Variants in PEBP4 observed in about 807,000 individuals in gnomAD.
PEBP4 encodes the protein phosphatidylethanolamine binding protein 4, also known as phosphatidylethanolamine-binding protein 4.
Under a neutral mutation model 23.9 loss-of-function variants are expected in PEBP4, and 22 were observed. That is an observed-to-expected ratio of 0.92 (90% CI 0.66 to 1.31). The LOEUF is 1.31. Among genes scored for constraint, PEBP4 ranks in the 40% most tolerant of loss-of-function variants. The pLI, the probability that PEBP4 is intolerant of heterozygous loss-of-function variation, is 0.00. For missense variants in PEBP4, 324 were observed against 281.7 expected (o/e 1.15, Z -1.07); for synonymous variants, 112 against 99.3 (o/e 1.13, Z -0.76).
chr8:22,837,550 CCT>C (rs1427213893), intron 3 of PEBP4, among the ~76,000 whole-genome samples: 1 of 152,218 alleles, frequency 6.6e-6, no homozygotes, highest in East Asian at 1.9e-4. Context: ...TGGCCCTGCA[CCT>C]CTAGCTGTCA....
intron 4 of PEBP4, chr8:22,755,874 G>C (rs1805369988): frequency 1.3e-5 from 2 of 152,126 alleles, no homozygotes. Flanking sequence ...CACTTGCTTA[G>C]AGTCCCTCTC....
chr8:22,722,433 C>T (rs1471642012), intron 6 of PEBP4, among the ~76,000 whole-genome samples: 2 of 152,212 alleles, frequency 1.3e-5, no homozygotes, highest in African/African-American at 4.8e-5. Flanking sequence ...CAGATTGCCT[C>T]ACTCTACAAT....
At position 22,726,593 on chromosome 8, in the gene PEBP4, C is replaced by T. The variant is rs570118134; in HGVS notation, c.403+582G>A. Reference sequence around the variant, plus strand: ...CACATGCTAGACCACTTCTCCGGGCCAGGCCCTGGGCTGTAGGCCTTCACT... The same window carrying T: ...CACATGCTAGACCACTTCTCCGGGCTAGGCCCTGGGCTGTAGGCCTTCACT... On this transcript the variant is annotated intron_variant, in intron 5 of 6. Coordinates refer to ENST00000256404, the MANE Select transcript of PEBP4 (RefSeq NM_144962.3). Among the ~76,000 whole-genome samples, 37 of 152,346 alleles carry T rather than the reference C, an allele frequency of 2.4e-4. 1 individual carries two copies. In the South Asian group the frequency reaches 3.7e-3, roughly 15 times the overall value.
At chr8:22,796,257 C>CATGTGTGT (rs201069763) in intron 4 of PEBP4, among the ~76,000 whole-genome samples, 5 of 149,766 alleles carry the variant, frequency 3.3e-5, no homozygotes, top group African/African-American at 7.4e-5. Flanking sequence ...CTCAAGTGTG[C>CATGTGTGT]GTGTGTGTGT....
chr8:22,901,696 C>A (rs531920865), intron 3 of PEBP4, among the ~76,000 whole-genome samples: 26 of 152,188 alleles, frequency 1.7e-4, no homozygotes, highest in Non-Finnish European at 2.6e-4. Context: ...TGTAGGAGCA[C>A]GCTGACAGAA....
intron 4 of PEBP4, chr8:22,798,682 G>GTCA (rs1375347016): frequency 7.1e-6 from 1 of 141,154 alleles, no homozygotes; most frequent in African/African-American, 2.6e-5. Flanking sequence ...ATCTCCCTGT[G>GTCA]TCATCACTCG....
intron 3 of PEBP4, among the ~76,000 whole-genome samples, chr8:22,908,352 G>A (rs571487321): frequency 6.6e-6 from 1 of 151,820 alleles, no homozygotes; most frequent in South Asian, 2.1e-4. Context: ...TGTGGGTCAT[G>A]GAGGCCAAGG....
intron 6 of PEBP4, among the ~76,000 whole-genome samples, chr8:22,723,163 G>T (rs886610407): frequency 2.6e-5 from 4 of 152,078 alleles, no homozygotes; most frequent in African/African-American, 7.2e-5. Context: ...AAGGGGTGGG[G>T]TGGGGAAGTA....
Position 22,850,161 on chromosome 8 carries a change from G to A in PEBP4, c.259-32426C>T, listed in dbSNP as rs113352867. On this transcript the variant is annotated intron_variant, in intron 3 of 6. Coordinates refer to ENST00000256404, the MANE Select transcript of PEBP4 (RefSeq NM_144962.3). ...CTTAGAAGAAATAAATAATGGGCTT[G>A]AGGACTTGGCCAGTGAGTGATTGAG... Among the ~76,000 whole-genome samples the A allele has an allele frequency of 3.9e-5, 6 of 152,060 alleles. 1 individual carries two copies. The highest frequency in any genetic ancestry group is 3.9e-4 in the East Asian group (2 of 5,180).
At chr8:22,761,976 T>G (rs1172499795) in intron 4 of PEBP4, among the ~76,000 whole-genome samples, 1 of 152,224 alleles carries the variant, frequency 6.6e-6, no homozygotes, top group Admixed American at 6.5e-5. Context: ...GCATTTATTG[T>G]TGCTACTGGC....
intron 3 of PEBP4, among the ~76,000 whole-genome samples, chr8:22,838,062 C>A (rs547439213): frequency 2.0e-5 from 3 of 151,932 alleles, no homozygotes; most frequent in African/African-American, 7.2e-5. Context: ...CCACACCTGG[C>A]TAATTTTTAA....
intron 3 of PEBP4, among the ~76,000 whole-genome samples, chr8:22,917,491 CT>C (rs1008268763): frequency 7.2e-5 from 11 of 152,320 alleles, no homozygotes; most frequent in Non-Finnish European, 1.3e-4. Flanking sequence ...CCAGCGCCCC[CT>C]GGTGTCTCCC....
At chr8:22,903,144 G>A (rs149435080) in intron 3 of PEBP4, among the ~76,000 whole-genome samples, 4 of 152,230 alleles carry the variant, frequency 2.6e-5, no homozygotes, top group Non-Finnish European at 4.4e-5. Context: ...CCCGGAAACC[G>A]CGAAATGTTG....
intron 4 of PEBP4, among the ~76,000 whole-genome samples, chr8:22,780,861 T>C (rs1805899203): frequency 6.6e-6 from 1 of 152,194 alleles, no homozygotes; most frequent in Non-Finnish European, 1.5e-5. Flanking sequence ...ACGAGTGTGC[T>C]CCGAGTGCTC....
chr8:22,920,150 G>C (rs1563261709), intron 3 of PEBP4, 34 bp downstream of exon 3: 1 of 1,590,524 alleles, frequency 6.3e-7, no homozygotes, highest in Non-Finnish European at 8.6e-7. Context: ...ACCCCCAACT[G>C]TCCCCCCGCT....
chr8:22,753,864 C>T (rs1805319934), intron 4 of PEBP4, among the ~76,000 whole-genome samples: 2 of 152,206 alleles, frequency 1.3e-5, no homozygotes, highest in Admixed American at 1.3e-4. Flanking sequence ...ACCGCCTGGA[C>T]AGCTGTGCGG....
chr8:22,928,413 C>G (rs990147488), upstream of PEBP4, among the ~76,000 whole-genome samples: 1 of 152,208 alleles, frequency 6.6e-6, no homozygotes, highest in Non-Finnish European at 1.5e-5. Flanking sequence ...CACCTTGCAG[C>G]TGTGCTGCAC....
At chr8:22,715,024 A>G (rs999129566) in intron 6 of PEBP4, among the ~76,000 whole-genome samples, 10 of 152,244 alleles carry the variant, frequency 6.6e-5, no homozygotes, top group African/African-American at 1.9e-4. Context: ...TCCCATTCCC[A>G]GTTCACAGAA....
chr8:22,861,019 A>G (rs923938389), intron 3 of PEBP4, among the ~76,000 whole-genome samples: 1 of 152,238 alleles, frequency 6.6e-6, no homozygotes, highest in Non-Finnish European at 1.5e-5. Context: ...GAAAATGCTC[A>G]ATAAATATTT....
Sources: allele counts gnomAD v4.1 joint callset (sites outside exome capture counted in the v4.1 genomes callset), GRCh38; gene constraint gnomAD v4.1.1; transcripts MANE v1.5; gene names NCBI Gene and HGNC (gene_info 2026-07-23, HGNC 2026-07-21).